TJAP1: variants seen among roughly 807,000 people sequenced by gnomAD.
TJAP1 encodes tight junction associated protein 1.
TJAP1 carries 27 observed loss-of-function variants against 42.0 expected under a neutral mutation model. The observed-to-expected ratio is 0.64, with a 90% CI of 0.47 to 0.89. The LOEUF is 0.89. TJAP1 is among the 40% of genes least tolerant of loss of function. TJAP1 has a pLI of 0.00. For synonymous variants in TJAP1, 257 were observed against 288.4 expected, an observed-to-expected ratio of 0.89 and a Z score of 1.10; for missense variants, 712 against 726.9, an observed-to-expected ratio of 0.98 and a Z score of 0.24.
At chr6:43,479,176 G>A (rs940962828) in intron 2 of TJAP1, among the ~76,000 whole-genome samples, 1 of 152,168 alleles carries the variant, frequency 6.6e-6, no homozygotes, top group Non-Finnish European at 1.5e-5. Flanking sequence ...CCAGAGTTGG[G>A]AGTAGCCTTC....
chr6:43,488,218 A>G (rs1786994966), intron 2 of TJAP1, among the ~76,000 whole-genome samples: 2 of 151,768 alleles, frequency 1.3e-5, no homozygotes, highest in South Asian at 2.1e-4. Context: ...CCAAAACTCA[A>G]TATTAATACA....
chr6:43,506,137 A>G (rs1465666502), exon 11 of TJAP1: 2 of 317,136 alleles, frequency 6.3e-6, no homozygotes, highest in African/African-American at 2.1e-5. Flanking sequence ...AATCAGCCCA[A>G]CCCAGCCCAG....
intron 10 of TJAP1, 183 bp from the exon 11 acceptor site, chr6:43,504,578 C>T (rs1313737343): frequency 6.5e-6 from 5 of 773,836 alleles, no homozygotes; most frequent in African/African-American, 5.2e-5. Flanking sequence ...AGTTGTCTTC[C>T]CCTCTCCAGG....
At position 43,492,133 on chromosome 6, in the gene TJAP1, C is replaced by T. The variant is rs1313804438; in HGVS notation, c.-121-5748C>T. ...TGAAGTGTTTGTCTGGATGTGAGGC[C>T]AGGTGGATAGACTTGGAAGTGTTTG... On this transcript the variant is annotated intron_variant, in intron 2 of 10. Coordinates refer to ENST00000372449, the Ensembl canonical transcript of TJAP1. The surrounding 1 kb of genome is among the most constrained non-coding windows in gnomAD (Gnocchi z 4.2). Among the ~76,000 whole-genome samples, 3 of 152,162 alleles carry T rather than the reference C, an allele frequency of 2.0e-5. No individual in the cohort carries two copies. The highest frequency in any genetic ancestry group is 4.8e-5 in the African/African-American group (2 of 41,428).
chr6:43,504,268 C>G, intron 10 of TJAP1: 1 of 223,842 alleles, frequency 4.5e-6, no homozygotes, highest in South Asian at 6.6e-5. Flanking sequence ...GCGCCCACCA[C>G]CACGCCTGGC....
rs1281442493 is a variant in TJAP1 at position 43,505,986 on chromosome 6, G to C, written c.*131G>C. 8 of 1,025,084 alleles carry C rather than the reference G, an allele frequency of 7.8e-6. No individual in the cohort carries two copies. Among genetic ancestry groups the C allele is most frequent in the Non-Finnish European group, 1.0e-5 (8 of 773,392 alleles). The allele number at this position is 1,025,084 out of a possible 1,614,324, so 63.5% of individuals were successfully genotyped here. A position where few individuals can be genotyped will look rare whatever the true frequency, so the allele number is the denominator to read the frequency against. On this transcript the variant is annotated 3_prime_UTR_variant, in exon 11 of 11. Transcript: ENST00000372449. This position sits in a 1 kb window ranked among gnomAD's most constrained non-coding sequence, Gnocchi z 5.5. ...AGACCCGCACAGCTGTTTCCTGTGT[G>C]GATGGGGTCAGGTTGTGGGCCATGC...
At chr6:43,489,471 C>T (rs1211395725) in intron 2 of TJAP1, 3 of 152,450 alleles carry the variant, frequency 2.0e-5, no homozygotes, top group Admixed American at 1.3e-4. Flanking sequence ...AATCCTTGGG[C>T]TGCTTCTCTC....
chr6:43,502,388 TCATAG>T, intron 7 of TJAP1, 39 bp downstream of exon 7: 1 of 1,606,372 alleles, frequency 6.2e-7, no homozygotes, highest in Non-Finnish European at 8.5e-7. Flanking sequence ...GGCACTGTGC[TCATAG>T]CATAGCAGGG....
chr6:43,486,572 T>G (rs1786582712), intron 2 of TJAP1, among the ~76,000 whole-genome samples: 1 of 151,692 alleles, frequency 6.6e-6, no homozygotes, highest in African/African-American at 2.4e-5. Context: ...GTCAGGCTGG[T>G]CTCAAACTCC....
rs1462013467 is a variant in TJAP1 at position 43,505,265 on chromosome 6, C to G, written c.1084C>G (p.Leu362Val). ...TACCCGCCAGGCCATTTCCCTGAGC[C>G]TGGTAGAGGAGGGGAGTGAGCGGGC... The change falls in exon 11 of 11, where the codon CTG (leucine) becomes GTG (valine). Residue 362 changes from leucine (L) to valine (V), a missense_variant. Physicochemically the swap from Leu to Val is conservative, Grantham distance 32. Coordinates refer to ENST00000372449, the Ensembl canonical transcript of TJAP1. The surrounding 1 kb of genome is among the most constrained non-coding windows in gnomAD (Gnocchi z 5.5). 2 of 1,613,760 alleles carry G rather than the reference C, an allele frequency of 1.2e-6. No individual in the cohort carries two copies. The highest frequency in any genetic ancestry group is 1.7e-5 in the Admixed American group (1 of 60,010).
intron 3 of TJAP1, 79 bp from the exon 4 acceptor site, chr6:43,498,899 T>C (rs1463016025): frequency 1.4e-5 from 21 of 1,478,134 alleles, no homozygotes; most frequent in Non-Finnish European, 1.8e-5. Flanking sequence ...TATGTCCCCT[T>C]TCACCATCTT....
At chr6:43,500,351 G>T (rs116406481) in intron 4 of TJAP1, among the ~76,000 whole-genome samples, 1 of 152,136 alleles carries the variant, frequency 6.6e-6, no homozygotes, top group African/African-American at 2.4e-5. Flanking sequence ...CTCAGAACTC[G>T]TGTGTATAGT....
In TJAP1 at chr6:43,505,862, T is replaced by G. The variant is rs755213132; in HGVS notation, c.*7T>G. The G allele has an allele frequency of 1.4e-6, 2 of 1,451,422 alleles. No individual in the cohort carries two copies. Among genetic ancestry groups the G allele is most frequent in the Admixed American group, 5.4e-5 (2 of 36,832 alleles). 89.9% of individuals were successfully genotyped at this position (1,451,422 alleles called of 1,614,324 possible). A position where few individuals can be genotyped will look rare whatever the true frequency, so the allele number is the denominator to read the frequency against. On this transcript the variant is annotated 3_prime_UTR_variant, in exon 11 of 11. Coordinates refer to ENST00000372449, the Ensembl canonical transcript of TJAP1. The surrounding 1 kb of genome is among the most constrained non-coding windows in gnomAD (Gnocchi z 5.5). ...GGGCAACCTGCTCAACTAGGGCCCC[T>G]GCTGGCCTTCCTGCCATTGCTGCAC...
At position 43,505,512 on chromosome 6, in the gene TJAP1, G is replaced by A. The variant is rs550373868; in HGVS notation, c.1331G>A (p.Arg444His). The change falls in exon 11 of 11, where the codon CGC (arginine) becomes CAC (histidine). Residue 444 changes from arginine (R) to histidine (H), a missense_variant. Arg to His is a conservative substitution (Grantham distance 29). Around this residue, in one of 3 missense-constraint regions of TJAP1, gnomAD observed 549 missense variants for 528.2 expected, o/e 1.04. Coordinates refer to ENST00000372449, the Ensembl canonical transcript of TJAP1. This position sits in a 1 kb window ranked among gnomAD's most constrained non-coding sequence, Gnocchi z 5.5. ...CGCGATGCCCTCCCTGAGCTGCAGC[G>A]CCATTTTGCCCATAGCCCCGCTGAC... is the stretch of plus-strand genomic sequence containing the variant. 6.0e-5 allele frequency: 97 copies of A among 1,613,814 alleles called. No homozygotes were observed. The highest frequency in any genetic ancestry group is 1.5e-4 in the Admixed American group (9 of 60,026).
chr6:43,504,841 C>A, exon 11 of TJAP1: 1 of 1,614,216 alleles, frequency 6.2e-7, no homozygotes, highest in Non-Finnish European at 8.5e-7. Flanking sequence ...CTGCTCCCAG[C>A]CTAGCCCCAG....
Position 43,505,740 on chromosome 6 carries a change from G to C in TJAP1, c.1559G>C (p.Trp520Ser). 1 of 1,538,246 alleles carries C rather than the reference G, an allele frequency of 6.5e-7. No individual in the cohort carries two copies. Among genetic ancestry groups the C allele is most frequent in the Non-Finnish European group, 8.7e-7 (1 of 1,146,128 alleles). Residue 520 changes from tryptophan (W) to serine (S), a missense_variant, in exon 11 of 11, where the codon TGG becomes TCG. Physicochemically the swap from Trp to Ser is radical, Grantham distance 177. This residue lies in a region of TJAP1 where 549 missense variants were observed against 528.2 expected (regional missense o/e 1.04). Coordinates refer to ENST00000372449, the Ensembl canonical transcript of TJAP1. The surrounding 1 kb of genome is among the most constrained non-coding windows in gnomAD (Gnocchi z 5.5). The stretch of plus-strand genomic sequence containing the variant: ...ACTTCCCACACCGAGGGCAGGGCCT[G>C]GCCACTCCCCAGCTCCAGTCGCCCC...
At chr6:43,489,775 G>T (rs1787398629) in intron 2 of TJAP1, 1 of 152,278 alleles carries the variant, frequency 6.6e-6, no homozygotes, top group South Asian at 2.1e-4. Context: ...ATGGTTTCCG[G>T]ATGGGAGAAA....
In TJAP1 at chr6:43,501,758, ACTCT is replaced by A. The variant is rs1283037495; in HGVS notation, c.290+76_290+79del. The A allele has an allele frequency of 7.0e-4, 343 of 493,494 alleles. 2 individuals carry two copies. The East Asian group carries it at 1.0e-2, about 14-fold the overall frequency. 30.6% of individuals were successfully genotyped at this position (493,494 alleles called of 1,614,324 possible). On this transcript the variant is annotated intron_variant, in intron 6 of 10. Coordinates refer to ENST00000372449, the Ensembl canonical transcript of TJAP1. ...CACACACACACACACACACACACAC[ACTCT>A]CTCTGTCTCTCTCTCTCTCTGTGTC...
Position 43,505,529 on chromosome 6 carries a change from C to T in TJAP1, c.1348C>T (p.Pro450Ser), listed in dbSNP as rs201601445. Residue 450 changes from proline (P) to serine (S), a missense_variant, in exon 11 of 11, where the codon CCC becomes TCC. By Grantham distance (74) the Pro-to-Ser change is moderately conservative. Transcript: ENST00000372449. This position sits in a 1 kb window ranked among gnomAD's most constrained non-coding sequence, Gnocchi z 5.5. ...GCTGCAGCGCCATTTTGCCCATAGCCCCGCTGACAGAGATGAGGTGGTCCA... is the reference window on the plus strand; with the variant it reads ...GCTGCAGCGCCATTTTGCCCATAGCTCCGCTGACAGAGATGAGGTGGTCCA... 8 of 1,613,972 alleles carry T rather than the reference C, an allele frequency of 5.0e-6. No homozygotes were observed. The African/African-American group carries it at 8.0e-5, about 16-fold the overall frequency.
Sources: gnomAD v4.1 joint callset for allele counts (sites outside exome capture counted in the v4.1 genomes callset) on GRCh38, gnomAD v4.1.1 for gene constraint, gnomAD v4.1.1 regional missense constraint, Gnocchi (gnomAD v3.1) non-coding constraint, MANE v1.5 for transcripts, NCBI Gene and HGNC (gene_info 2026-07-23, HGNC 2026-07-21) for gene names.